The following GCC2 variants were observed in gnomAD, a reference collection of about 807,000 sequenced individuals.
GCC2 encodes GRIP and coiled-coil domain-containing protein 2.
A neutral mutation model predicts 210.6 loss-of-function variants in GCC2; 120 were observed. The ratio of observed to expected loss-of-function variants is 0.57; its 90% CI spans 0.49 to 0.66. The LOEUF is 0.66. GCC2 is among the 30% of genes least tolerant of loss of function. The pLI is 0.00. For synonymous variants in GCC2, 703 were observed against 652.7 expected, an observed-to-expected ratio of 1.08 and a Z score of -1.17; for missense variants, 1,868 against 1,871.9, an observed-to-expected ratio of 1.00 and a Z score of 0.04.
Position 108,483,143 on chromosome 2 carries a change from C to A in GCC2, c.3427C>A (p.Gln1143Lys). ...AAAGAAACAGCTTCAGAAAACCATG[C>A]AAGAATTAGAGCTGGTTAAAAAGGT... ...KQKKQLQKTM[Q>K]ELELVKKDAQ... The change falls in exon 12 of 23, where the codon CAA becomes AAA. Residue 1143 changes from glutamine (Q) to lysine (K), a missense_variant. Physicochemically the swap from Gln to Lys is moderately conservative, Grantham distance 53. This residue lies in a region of GCC2 where 1,847 missense variants were observed against 1,765.2 expected (regional missense o/e 1.05). Coordinates refer to ENST00000309863, the MANE Select transcript of GCC2 (RefSeq NM_181453.4). 6.5e-7 allele frequency: 1 copy of A among 1,539,324 alleles called. No homozygotes were observed. The highest frequency in any genetic ancestry group is 1.4e-5 in the African/African-American group (1 of 73,494).
In GCC2 at chr2:108,495,541, T is replaced by C. The variant is rs550774084; in HGVS notation, c.4642+56T>C. On this transcript the variant is annotated intron_variant, in intron 20 of 22. Coordinates refer to ENST00000309863, the MANE Select transcript of GCC2 (RefSeq NM_181453.4). ...TATTTAATTTCACTGTCTTATTTAATTACTATTACTCTAAGTTACATATGC... is the reference window on the plus strand; with the variant it reads ...TATTTAATTTCACTGTCTTATTTAACTACTATTACTCTAAGTTACATATGC... 3.3e-6 allele frequency: 4 copies of C among 1,216,122 alleles called. No individual in the cohort carries two copies. In the African/African-American group the frequency reaches 6.0e-5, roughly 18 times the overall value. The allele number at this position is 1,216,122 out of a possible 1,614,324, so 75.3% of individuals were successfully genotyped here.
intron 3 of GCC2, among the ~76,000 whole-genome samples, chr2:108,451,692 T>C (rs946746765): frequency 6.6e-6 from 1 of 152,146 alleles, no homozygotes; most frequent in Non-Finnish European, 1.5e-5. Flanking sequence ...TAAGACTTAT[T>C]TTCTATTAGA....
At chr2:108,478,749 A>G (rs892460962) in intron 9 of GCC2, among the ~76,000 whole-genome samples, 4 of 152,248 alleles carry the variant, frequency 2.6e-5, no homozygotes, top group Non-Finnish European at 4.4e-5. Flanking sequence ...AGTTGGAACC[A>G]GAATGAGTAA....
rs1290111450 is a variant in GCC2 at position 108,471,528 on chromosome 2, A to C, written c.2199A>C (p.Leu733Phe). Residue 733 changes from leucine to phenylalanine, a missense_variant, in exon 6 of 23, where the codon TTA (leucine) becomes TTC (phenylalanine). Physicochemically the swap from Leu to Phe is conservative, Grantham distance 22 (BLOSUM62 0). Coordinates refer to ENST00000309863, the MANE Select transcript of GCC2 (RefSeq NM_181453.4). ...CTCAATTAGAAAAGAAACTTCAGTT[A>C]ATGGTTGAAGAGCAAGATAATTTAA... ...HITQLEKKLQ[L>F]MVEEQDNLNK... is the part of the protein sequence containing the mutation. The C allele has an allele frequency of 6.2e-7, 1 of 1,604,132 alleles. No individual in the cohort carries two copies. Among genetic ancestry groups the C allele is most frequent in the Non-Finnish European group, 8.5e-7 (1 of 1,176,182 alleles).
rs200602558 is a variant in GCC2, at chr2:108,507,514, C to T, written c.4985-46C>T. 1.3e-5 allele frequency: 18 copies of T among 1,394,002 alleles called. No homozygotes were observed. The East Asian group carries it at 3.9e-4, about 30-fold the overall frequency. The allele number at this position is 1,394,002 out of a possible 1,614,324, so 86.4% of individuals were successfully genotyped here. ...TTACATTGAGAAATTTTAATACTCT[C>T]TTTTTTCTTTTATTTTTCTTTTTTT... On this transcript the variant is annotated intron_variant, in intron 22 of 22. Coordinates refer to ENST00000309863, the MANE Select transcript of GCC2 (RefSeq NM_181453.4).
chr2:108,461,465 TTATTTCAC>T (rs1428403367), intron 4 of GCC2, among the ~76,000 whole-genome samples: 3 of 152,184 alleles, frequency 2.0e-5, no homozygotes, highest in East Asian at 1.9e-4. Context: ...TTTTCATGTA[TTATTTCAC>T]TATTTCACTA....
rs752944414 is a variant in GCC2 at position 108,470,535 on chromosome 2, AAAATT to A, written c.1210_1214del (p.Leu404IlefsTer2). 3 of 1,606,338 alleles carry A rather than the reference AAAATT, an allele frequency of 1.9e-6. No individual in the cohort carries two copies. The highest frequency in any genetic ancestry group is 2.5e-6 in the Non-Finnish European group (3 of 1,177,434). On this transcript the variant is annotated frameshift_variant, in exon 6 of 23. Coordinates refer to ENST00000309863, the MANE Select transcript of GCC2 (RefSeq NM_181453.4). LOFTEE classifies it high-confidence loss of function. ...AAGAAGAACAGGGCTGTGTAATTGA[AAAATT>A]AAAATCTGAGCTAGCAGGTTTAAAT...
intron 16 of GCC2, 78 bp downstream of exon 16, chr2:108,486,726 CTCT>C: frequency 3.0e-6 from 4 of 1,353,010 alleles, no homozygotes; most frequent in Non-Finnish European, 2.0e-6. Flanking sequence ...CAGGGCTGTG[CTCT>C]GCCTTTTTAG....
Position 108,469,325 on chromosome 2 carries a change from GA to G in GCC2, c.321+248del, listed in dbSNP as rs367799733. On this transcript the variant is annotated intron_variant, in intron 5 of 22. Transcript: ENST00000309863. ...CTATAATGCCATCTTTACTAAAAGC[GA>G]AAAAAAGTAAGTTGATTTTCACACA... 265 of 415,812 alleles carry G rather than the reference GA, an allele frequency of 6.4e-4. No individual in the cohort carries two copies. The East Asian group carries it at 9.3e-3, about 15-fold the overall frequency. The allele number at this position is 415,812 out of a possible 1,614,324, so 25.8% of individuals were successfully genotyped here. A position where few individuals can be genotyped will look rare whatever the true frequency, so the allele number is the denominator to read the frequency against.
At position 108,470,414 on chromosome 2, in the gene GCC2, A is replaced by C; in HGVS notation, c.1085A>C (p.Lys362Thr). Residue 362 changes from lysine to threonine, a missense_variant, in exon 6 of 23, where the codon AAG (lysine) becomes ACG (threonine). By Grantham distance (78) the Lys-to-Thr change is moderately conservative. Coordinates refer to ENST00000309863, the MANE Select transcript of GCC2 (RefSeq NM_181453.4). ...KDEVTYMNNL[K>T]LKLEMDAQHI... ...GAGGTAACTTATATGAATAATCTTAAGTTAAAACTTGAAATGGATGCTCAA... is the reference window on the plus strand; with the variant it reads ...GAGGTAACTTATATGAATAATCTTACGTTAAAACTTGAAATGGATGCTCAA... The C allele has an allele frequency of 6.2e-7, 1 of 1,607,946 alleles. No individual in the cohort carries two copies. Among genetic ancestry groups the C allele is most frequent in the Non-Finnish European group, 8.5e-7 (1 of 1,175,194 alleles).
In GCC2 at chr2:108,482,373, T is replaced by A. The variant is rs1385757799; in HGVS notation, c.3267T>A (p.Ile1089=). ...ATGCCAAATTATTAGAAGTACAGATTTTAGAAGTCCAGAGAGCCAAAGCAA... is the reference window on the plus strand; with the variant it reads ...ATGCCAAATTATTAGAAGTACAGATATTAGAAGTCCAGAGAGCCAAAGCAA... ...QSNAKLLEVQ[I]LEVQRAKAMV... is the part of the protein sequence containing the mutation. The change falls in exon 11 of 23, where the codon ATT becomes ATA. Residue 1089 remains isoleucine, a synonymous_variant. Coordinates refer to ENST00000309863, the MANE Select transcript of GCC2 (RefSeq NM_181453.4). The A allele has an allele frequency of 6.3e-7, 1 of 1,582,872 alleles. No homozygotes were observed. Among genetic ancestry groups the A allele is most frequent in the Admixed American group, 1.7e-5 (1 of 59,866 alleles).
intron 22 of GCC2, 49 bp from the exon 23 acceptor site, chr2:108,507,509 ACT>A (rs748478391): frequency 1.4e-4 from 190 of 1,370,948 alleles, no homozygotes; most frequent in Admixed American, 3.0e-4. Context: ...AAATTTTAAT[ACT>A]CTCTTTTTTC....
chr2:108,481,850 T>C (rs1681870134), intron 10 of GCC2, 34 bp downstream of exon 10: 2 of 1,438,332 alleles, frequency 1.4e-6, no homozygotes, highest in African/African-American at 1.4e-5. Flanking sequence ...ATGAAAACTA[T>C]AACAGGTATA....
chr2:108,480,228 G>A (rs1433688973), intron 9 of GCC2, among the ~76,000 whole-genome samples: 3 of 152,144 alleles, frequency 2.0e-5, no homozygotes, highest in Non-Finnish European at 4.4e-5. Flanking sequence ...ACATCAGTCA[G>A]GATGGCTACT....
Position 108,472,090 on chromosome 2 carries a change from A to G in GCC2, c.2761A>G (p.Arg921Gly), listed in dbSNP as rs1681261375. 5.8e-6 allele frequency: 9 copies of G among 1,555,834 alleles called. No individual in the cohort carries two copies. The highest frequency in any genetic ancestry group is 2.2e-5 in the Admixed American group (1 of 45,660). The change falls in exon 6 of 23, where the codon AGG becomes GGG. Residue 921 changes from arginine (R) to glycine (G), a missense_variant. By Grantham distance (125) the Arg-to-Gly change is moderately radical. This residue lies in a region of GCC2 where 1,847 missense variants were observed against 1,765.2 expected (regional missense o/e 1.05). Transcript: ENST00000309863. The part of the protein sequence containing the change: ...PLLEQKELRD[R>G]RAELILLKDS... ...ACTAGAACAAAAAGAATTACGAGAT[A>G]GGAGAGCAGAGTTGATACTATTAAA... is the stretch of plus-strand genomic sequence containing the variant.
At chr2:108,477,120 A>G (rs182199334) in intron 9 of GCC2, among the ~76,000 whole-genome samples, 1 of 152,294 alleles carries the variant, frequency 6.6e-6, no homozygotes, top group Admixed American at 6.5e-5. Flanking sequence ...CAGAATTCTA[A>G]GTTTTAAGTA....
In GCC2 at chr2:108,507,594, G is replaced by A. The variant is rs1477078252; in HGVS notation, c.5019G>A (p.Trp1673Ter). 3 of 1,602,244 alleles carry A rather than the reference G, an allele frequency of 1.9e-6. No individual in the cohort carries two copies. Among genetic ancestry groups the A allele is most frequent in the African/African-American group, 1.3e-5 (1 of 74,246 alleles). Residue 1673 changes from tryptophan (W) to a stop codon, truncating the protein, a stop_gained, in exon 23 of 23, where the codon TGG (tryptophan) becomes TGA (stop). Coordinates refer to ENST00000309863, the MANE Select transcript of GCC2 (RefSeq NM_181453.4). LOFTEE classifies it high-confidence loss of function. ...AAAATGCTTCCCGTTCTTCTGGATG[G>A]GCATCCTATCTTCATAGTTGGTCTG... Reference protein sequence around the residue: ...EEENASRSSGWASYLHSWSGL... With the variant: ...EEENASRSSG
At chr2:108,464,514 CAG>C in intron 4 of GCC2, among the ~76,000 whole-genome samples, 1 of 152,324 alleles carries the variant, frequency 6.6e-6, no homozygotes, top group East Asian at 1.9e-4. Context: ...TTGGGACCCA[CAG>C]GGGTCAAGGG....
chr2:108,483,606 T>G (rs1049099373), intron 12 of GCC2, among the ~76,000 whole-genome samples: 5 of 152,220 alleles, frequency 3.3e-5, no homozygotes, highest in Admixed American at 1.3e-4. Flanking sequence ...GCTTTATAAA[T>G]TATTTGCTCA....
Sources: gnomAD v4.1 joint callset for allele counts (sites outside exome capture counted in the v4.1 genomes callset) on GRCh38, gnomAD v4.1.1 for gene constraint, gnomAD v4.1.1 regional missense constraint, MANE v1.5 for transcripts, NCBI Gene and HGNC (gene_info 2026-07-23, HGNC 2026-07-21) for gene names.